The following EPHA7 variants were observed in gnomAD, a reference collection of about 807,000 sequenced individuals.
The protein encoded by EPHA7 is EPH receptor A7, also known as ephrin type-A receptor 7.
EPHA7 carries 25 observed loss-of-function variants against 112.6 expected under a neutral mutation model. The ratio of observed to expected loss-of-function variants is 0.22; its 90% CI spans 0.16 to 0.31. The LOEUF is 0.31. Ranked by LOEUF, EPHA7 falls within the 10% of genes least tolerant of loss-of-function variation. The pLI is 1.00. For missense variants in EPHA7, 962 were observed against 1,212.6 expected (o/e 0.79, Z 3.07); for synonymous variants, 437 against 406.5 (o/e 1.07, Z -0.90).
intron 5 of EPHA7, among the ~76,000 whole-genome samples, chr6:93,286,084 C>CA: frequency 6.6e-6 from 1 of 152,094 alleles, no homozygotes; most frequent in East Asian, 1.9e-4. Flanking sequence ...GAGTTACAGT[C>CA]TGTTTGGCTT....
chr6:93,383,524 A>AT (rs1314683476), intron 3 of EPHA7, among the ~76,000 whole-genome samples: 1 of 152,032 alleles, frequency 6.6e-6, no homozygotes, highest in Non-Finnish European at 1.5e-5. Flanking sequence ...AACAAAATGT[A>AT]TTTCTAAGGG....
chr6:93,386,367 G>T (rs1031586481), intron 3 of EPHA7, among the ~76,000 whole-genome samples: 2 of 152,164 alleles, frequency 1.3e-5, no homozygotes, highest in East Asian at 1.9e-4. Context: ...CAAGCCCCAT[G>T]CAGGTCCAAA....
At position 93,311,114 on chromosome 6, in the gene EPHA7, A is replaced by ATTTTTTTTTTTTTTT. The variant is rs71542009; in HGVS notation, c.1325-38707_1325-38693dup. ...ACAGGCATGTGCATCATGCCCAGCT[A>ATTTTTTTTTTTTTTT]TTTTTTTTTTTTTTTTTTTTTTTTT... On this transcript the variant is annotated intron_variant, in intron 5 of 16. Coordinates refer to ENST00000369303, the MANE Select transcript of EPHA7 (RefSeq NM_004440.4). Among the ~76,000 whole-genome samples the ATTTTTTTTTTTTTTT allele has an allele frequency of 4.2e-4, 33 of 78,506 alleles. 4 individuals carry two copies. Among genetic ancestry groups the ATTTTTTTTTTTTTTT allele is most frequent in the African/African-American group, 1.4e-3 (23 of 17,020 alleles). 51.5% of individuals were successfully genotyped at this position (78,506 alleles called of 152,430 possible).
intron 5 of EPHA7, among the ~76,000 whole-genome samples, chr6:93,301,495 C>G (rs1772974736): frequency 6.6e-6 from 1 of 151,992 alleles, no homozygotes; most frequent in African/African-American, 2.4e-5. Context: ...TAAATCCATT[C>G]AAAACAAAGT....
At chr6:93,416,924 G>T (rs1012230764) in intron 1 of EPHA7, among the ~76,000 whole-genome samples, 44 of 152,246 alleles carry the variant, frequency 2.9e-4, no homozygotes, top group African/African-American at 9.6e-4. Flanking sequence ...CGCGCCAGCC[G>T]CGCCAAGCAT....
At chr6:93,275,743 T>C (rs1171242926) in intron 5 of EPHA7, among the ~76,000 whole-genome samples, 2 of 151,914 alleles carry the variant, frequency 1.3e-5, no homozygotes, top group Non-Finnish European at 2.9e-5. Flanking sequence ...ATTTGTGGAA[T>C]GGGTTTGTTA....
intron 3 of EPHA7, among the ~76,000 whole-genome samples, chr6:93,388,824 AGG>A (rs1255876877): frequency 6.6e-5 from 10 of 152,150 alleles, no homozygotes; most frequent in African/African-American, 2.2e-4. Flanking sequence ...AAGTAAAAAA[AGG>A]ATTTTGATTA....
chr6:93,373,225 A>T (rs899656914), intron 3 of EPHA7, among the ~76,000 whole-genome samples: 1 of 152,114 alleles, frequency 6.6e-6, no homozygotes, highest in Admixed American at 6.5e-5. Context: ...TATTAAAATA[A>T]TCACAAATTC....
At chr6:93,379,318 A>G in intron 3 of EPHA7, among the ~76,000 whole-genome samples, 1 of 152,090 alleles carries the variant, frequency 6.6e-6, no homozygotes, top group East Asian at 1.9e-4. Flanking sequence ...TTGACAAATA[A>G]TTCTATAAAA....
intron 3 of EPHA7, among the ~76,000 whole-genome samples, chr6:93,379,955 C>A (rs1182671284): frequency 6.6e-6 from 1 of 151,968 alleles, no homozygotes; most frequent in Non-Finnish European, 1.5e-5. Flanking sequence ...TCAATCTGCT[C>A]AAAAACAAGT....
chr6:93,294,641 A>C (rs1443404151), intron 5 of EPHA7, among the ~76,000 whole-genome samples: 1 of 152,144 alleles, frequency 6.6e-6, no homozygotes, highest in Non-Finnish European at 1.5e-5. Flanking sequence ...AAGAATATAT[A>C]ACATGTATAA....
intron 1 of EPHA7, among the ~76,000 whole-genome samples, chr6:93,417,442 CT>C (rs1384330352): frequency 6.6e-6 from 1 of 152,210 alleles, no homozygotes; most frequent in Non-Finnish European, 1.5e-5. Flanking sequence ...ACCCCCGCGC[CT>C]TTTATACATC....
At chr6:93,397,314 C>T (rs1488100729) in intron 3 of EPHA7, among the ~76,000 whole-genome samples, 1 of 151,698 alleles carries the variant, frequency 6.6e-6, no homozygotes, top group Non-Finnish European at 1.5e-5. Flanking sequence ...AAGTAATTAT[C>T]AATTTTTACT....
At chr6:93,252,140 C>G (rs1770245331) in intron 14 of EPHA7, among the ~76,000 whole-genome samples, 1 of 151,972 alleles carries the variant, frequency 6.6e-6, no homozygotes, top group Admixed American at 6.6e-5. Flanking sequence ...TCTACACCAC[C>G]CTTTTGTGTC....
intron 14 of EPHA7, among the ~76,000 whole-genome samples, chr6:93,251,122 A>G (rs1352236584): frequency 2.0e-5 from 3 of 152,050 alleles, no homozygotes; most frequent in Admixed American, 6.6e-5. Context: ...CATGACCCAC[A>G]TTTTATGCAA....
Position 93,343,202 on chromosome 6 carries a change from A to T in EPHA7, c.1324+13515T>A, listed in dbSNP as rs189836259. Among the ~76,000 whole-genome samples the T allele has an allele frequency of 8.7e-3, 1,319 of 151,804 alleles. 18 individuals are homozygous for T. The highest frequency in any genetic ancestry group is 0.029 in the African/African-American group (1,216 of 41,506). On this transcript the variant is annotated intron_variant, in intron 5 of 16. Coordinates refer to ENST00000369303, the MANE Select transcript of EPHA7 (RefSeq NM_004440.4). ...CCTTCAACAATCTATCTGTCCCAGG[A>T]TCACATAAAAATACTTCAAATTAAA...
rs915347353 is a variant in EPHA7, at chr6:93,256,121, G to A, written c.2173-84C>T. On this transcript the variant is annotated intron_variant, in intron 12 of 16. Transcript: ENST00000369303. ...CACCATGAAAAATATCTGCGTGCTA[G>A]CAATTTGCTATTGTATAATAGGAAT... The A allele has an allele frequency of 5.7e-6, 7 of 1,227,496 alleles. No homozygotes were observed. The African/African-American group carries it at 7.5e-5, about 13-fold the overall frequency. The allele number at this position is 1,227,496 out of a possible 1,614,324, so 76.0% of individuals were successfully genotyped here.
intron 14 of EPHA7, among the ~76,000 whole-genome samples, 179 bp downstream of exon 14, chr6:93,254,468 C>A (rs1332099758): frequency 6.6e-6 from 1 of 152,002 alleles, no homozygotes; most frequent in Non-Finnish European, 1.5e-5. Context: ...AAAATGAAAG[C>A]CAAAATAATA....
At chr6:93,299,356 AG>A (rs1772849316) in intron 5 of EPHA7, among the ~76,000 whole-genome samples, 1 of 151,210 alleles carries the variant, frequency 6.6e-6, no homozygotes, top group African/African-American at 2.4e-5. Flanking sequence ...AATAAAATAA[AG>A]AAAAAAAAAA....
Sources: gnomAD v4.1 joint callset for allele counts (sites outside exome capture counted in the v4.1 genomes callset) on GRCh38, gnomAD v4.1.1 for gene constraint, MANE v1.5 for transcripts, NCBI Gene and HGNC (gene_info 2026-07-23, HGNC 2026-07-21) for gene names.